NPAS2: variants seen among roughly 807,000 people sequenced by gnomAD.
The protein encoded by NPAS2 is neuronal PAS domain protein 2.
In NPAS2, 23 loss-of-function variants were observed where a neutral mutation model predicts 107.5. That is an observed-to-expected ratio of 0.21 (90% CI 0.15 to 0.30). The LOEUF (loss-of-function observed/expected upper bound fraction) is 0.30, where lower values mean the gene tolerates loss of function less well. Among genes scored for constraint, NPAS2 ranks in the 10% least tolerant of loss-of-function variants. The pLI is 1.00. For missense variants in NPAS2, 756 were observed against 1,043.3 expected (o/e 0.72, Z 3.79); for synonymous variants, 403 against 417.5 (o/e 0.97, Z 0.42).
chr2:100,888,428 G>A (rs1392751856), intron 1 of NPAS2, among the ~76,000 whole-genome samples: 1 of 152,100 alleles, frequency 6.6e-6, no homozygotes, highest in African/African-American at 2.4e-5. Context: ...TGGAGAGGGG[G>A]ACAATGTGAT....
chr2:100,851,054 C>T (rs1678145791), intron 1 of NPAS2, among the ~76,000 whole-genome samples: 1 of 151,222 alleles, frequency 6.6e-6, no homozygotes, highest in Non-Finnish European at 1.5e-5. Context: ...TAAGCCAGTC[C>T]CAAAGGACAA....
At chr2:100,904,935 C>G (rs1441726771) in intron 2 of NPAS2, 149 bp downstream of exon 2, 2 of 649,638 alleles carry the variant, frequency 3.1e-6, no homozygotes, top group Non-Finnish European at 5.6e-6. Context: ...TATTGCAGTG[C>G]TCCATGAGAA....
chr2:100,992,321 A>G (rs1372356521), intron 19 of NPAS2, among the ~76,000 whole-genome samples: 8 of 152,254 alleles, frequency 5.3e-5, no homozygotes, highest in African/African-American at 1.9e-4. Context: ...AGGCTGAGGC[A>G]GGAGAATCAC....
At chr2:100,945,213 C>G (rs144577586) in intron 5 of NPAS2, among the ~76,000 whole-genome samples, 56 of 152,166 alleles carry the variant, frequency 3.7e-4, no homozygotes, top group African/African-American at 1.1e-3. Context: ...CATGCTGAGT[C>G]CTTCCTTTCC....
chr2:100,846,742 A>G (rs527852060), intron 1 of NPAS2: 2 of 152,336 alleles, frequency 1.3e-5, no homozygotes, highest in African/African-American at 4.8e-5. Flanking sequence ...CAATAATACT[A>G]AGTATCATTT....
intron 1 of NPAS2, among the ~76,000 whole-genome samples, chr2:100,903,742 C>G (rs1385336894): frequency 6.6e-6 from 1 of 152,128 alleles, no homozygotes; most frequent in Non-Finnish European, 1.5e-5. Flanking sequence ...CCTTCAGCCT[C>G]CCACTCCCAC....
chr2:100,939,896 C>G (rs1051097422), intron 5 of NPAS2, among the ~76,000 whole-genome samples: 2 of 152,158 alleles, frequency 1.3e-5, no homozygotes, highest in East Asian at 3.9e-4. Context: ...CAGAAATGAC[C>G]CGACTCTAAT....
At chr2:100,986,997 C>G (rs918784722) in intron 16 of NPAS2, 1 of 152,270 alleles carries the variant, frequency 6.6e-6, no homozygotes, top group Non-Finnish European at 1.5e-5. Flanking sequence ...AGCGCAGTGG[C>G]ACGATCTTGG....
intron 16 of NPAS2, chr2:100,985,005 G>C (rs1426512107): frequency 6.6e-6 from 1 of 152,240 alleles, no homozygotes; most frequent in Non-Finnish European, 1.5e-5. Flanking sequence ...CCCCCTCCAA[G>C]GCTGCCTCTT....
rs910982228 is a variant in NPAS2 at position 100,974,874 on chromosome 2, C to T, written c.1212C>T (p.Thr404=). The change falls in exon 13 of 21, where the codon ACC becomes ACT. Residue 404 remains threonine (T), a synonymous_variant. Transcript: ENST00000335681. ...TLDVGASGLN[T]SHSPSASSRS... ...ACGTGGGTGCCTCGGGCCTTAATAC[C>T]AGTCATTCGCCATCGGCGTCCTCAA... The T allele has an allele frequency of 1.2e-6, 2 of 1,614,114 alleles. No homozygotes were observed. The highest frequency in any genetic ancestry group is 1.7e-6 in the Non-Finnish European group (2 of 1,179,978).
intron 1 of NPAS2, among the ~76,000 whole-genome samples, chr2:100,900,541 T>A (rs1001060663): frequency 1.3e-5 from 2 of 152,182 alleles, no homozygotes; most frequent in South Asian, 4.1e-4. Context: ...AGCTACCCCG[T>A]GTTCCAAGAA....
intron 7 of NPAS2, among the ~76,000 whole-genome samples, chr2:100,960,811 T>C (rs536033446): frequency 2.6e-5 from 4 of 152,202 alleles, no homozygotes; most frequent in African/African-American, 9.6e-5. Flanking sequence ...GAACTGGACC[T>C]TAAGCTAGGA....
chr2:100,868,321 T>G (rs1015530908), intron 1 of NPAS2, among the ~76,000 whole-genome samples: 5 of 152,232 alleles, frequency 3.3e-5, no homozygotes, highest in Admixed American at 6.5e-5. Context: ...CTTTTCCTGT[T>G]GTCTGGCTTC....
chr2:100,974,028 G>A (rs1158012681), intron 12 of NPAS2, among the ~76,000 whole-genome samples: 2 of 152,048 alleles, frequency 1.3e-5, no homozygotes, highest in Admixed American at 1.3e-4. Flanking sequence ...TTTTAGTAAA[G>A]ACGATGTTTC....
intron 5 of NPAS2, among the ~76,000 whole-genome samples, chr2:100,942,114 A>G (rs1674611279): frequency 6.6e-6 from 1 of 152,200 alleles, no homozygotes; most frequent in Non-Finnish European, 1.5e-5. Flanking sequence ...AAAACAAGGC[A>G]CAAGTGTTCA....
chr2:100,857,595 T>A (rs1191708548), intron 1 of NPAS2, among the ~76,000 whole-genome samples: 1 of 152,118 alleles, frequency 6.6e-6, no homozygotes, highest in Non-Finnish European at 1.5e-5. Context: ...AGATATGTGT[T>A]TCAGGGAGGG....
rs146164052 is a variant in NPAS2 at position 100,879,512 on chromosome 2, G to C, written c.-22-25221G>C. On this transcript the variant is annotated intron_variant, in intron 1 of 20. Transcript: ENST00000335681. Reference sequence around the variant, plus strand: ...TTTTCTCTCTCCCTTCCTTCCATCCGTCCCAAACCCCTGGTAACCACTATT... The same window carrying C: ...TTTTCTCTCTCCCTTCCTTCCATCCCTCCCAAACCCCTGGTAACCACTATT... Among the ~76,000 whole-genome samples the C allele has an allele frequency of 1.6e-3, 248 of 151,514 alleles. 4 individuals carry two copies. Among genetic ancestry groups the C allele is most frequent in the East Asian group, 2.5e-3 (13 of 5,136 alleles).
intron 1 of NPAS2, among the ~76,000 whole-genome samples, chr2:100,850,064 G>A (rs1002333263): frequency 4.9e-5 from 6 of 121,392 alleles, no homozygotes; most frequent in Non-Finnish European, 1.0e-4. Flanking sequence ...AAAAAAATTT[G>A]TGAAATTCAG....
intron 11 of NPAS2, among the ~76,000 whole-genome samples, chr2:100,970,201 G>C (rs1398745885): frequency 6.6e-6 from 1 of 152,154 alleles, no homozygotes; most frequent in Non-Finnish European, 1.5e-5. Flanking sequence ...CTCTGCCCAA[G>C]GGCCCCCTAC....
Sources: gnomAD v4.1 joint callset for allele counts (sites outside exome capture counted in the v4.1 genomes callset) on GRCh38, gnomAD v4.1.1 for gene constraint, MANE v1.5 for transcripts, NCBI Gene and HGNC (gene_info 2026-07-23, HGNC 2026-07-21) for gene names.